Variants in CAMTA1 observed in about 807,000 individuals in gnomAD.
The protein encoded by CAMTA1 is calmodulin binding transcription activator 1.
Under a neutral mutation model 170.9 loss-of-function variants are expected in CAMTA1, and 27 were observed. That is an observed-to-expected ratio of 0.16 (90% CI 0.12 to 0.22). The LOEUF is 0.22. Ranked by LOEUF, CAMTA1 falls within the 10% of genes least tolerant of loss-of-function variation. CAMTA1 has a pLI of 1.00. For missense variants in CAMTA1, 1,619 were observed against 2,217.2 expected, an observed-to-expected ratio of 0.73 and a Z score of 5.42; for synonymous variants, 833 against 891.5, an observed-to-expected ratio of 0.93 and a Z score of 1.17.
Position 7,570,418 on chromosome 1 carries a change from A to G in CAMTA1, c.511-69982A>G, listed in dbSNP as rs2095111312. On this transcript the variant is annotated intron_variant, in intron 6 of 22. Coordinates refer to ENST00000303635, the MANE Select transcript of CAMTA1 (RefSeq NM_015215.4). The surrounding 1 kb of genome is among the most constrained non-coding windows in gnomAD (Gnocchi z 4.3). ...GAGGGAGGAAGCACGGGGAGGAGGA[A>G]GCCAGGGGCAAACCCGGACCAGCCC... Among the ~76,000 whole-genome samples, 1 of 152,232 alleles carries G rather than the reference A, an allele frequency of 6.6e-6. No individual in the cohort carries two copies. Among genetic ancestry groups the G allele is most frequent in the Non-Finnish European group, 1.5e-5 (1 of 68,040 alleles).
intron 5 of CAMTA1, among the ~76,000 whole-genome samples, chr1:7,373,971 G>A (rs970698312): frequency 2.6e-5 from 4 of 152,190 alleles, no homozygotes; most frequent in Admixed American, 1.3e-4. Context: ...AGGAGCGACC[G>A]GCTGCTCTGA....
At chr1:6,944,666 C>T (rs183012143) in intron 3 of CAMTA1, among the ~76,000 whole-genome samples, 3 of 152,316 alleles carry the variant, frequency 2.0e-5, no homozygotes, top group Admixed American at 2.0e-4. Context: ...CGTCATAACC[C>T]TCCCATGCAT....
chr1:7,431,494 C>G (rs901135217), intron 5 of CAMTA1, among the ~76,000 whole-genome samples: 2 of 152,194 alleles, frequency 1.3e-5, no homozygotes, highest in African/African-American at 4.8e-5. Context: ...GGTCCCTGAT[C>G]GCTGGGAAGA....
At chr1:7,564,544 AAT>A (rs2095011105) in intron 6 of CAMTA1, among the ~76,000 whole-genome samples, 2 of 152,174 alleles carry the variant, frequency 1.3e-5, no homozygotes, top group Non-Finnish European at 2.9e-5. Context: ...AGACACAGCA[AAT>A]ATGAGTCTTG....
At chr1:6,835,456 C>T (rs1652593719) in intron 3 of CAMTA1, among the ~76,000 whole-genome samples, 1 of 152,184 alleles carries the variant, frequency 6.6e-6, no homozygotes, top group African/African-American at 2.4e-5. Flanking sequence ...TACGGAGAGG[C>T]TGGCATTCTT....
At chr1:6,801,236 G>T (rs926436590) in intron 1 of CAMTA1, among the ~76,000 whole-genome samples, 3 of 152,212 alleles carry the variant, frequency 2.0e-5, no homozygotes, top group Non-Finnish European at 2.9e-5. Flanking sequence ...ATTTCCCACT[G>T]CAGCTTGTAT....
chr1:6,807,045 C>T (rs1435408048), intron 1 of CAMTA1: 2 of 668,326 alleles, frequency 3.0e-6, no homozygotes, highest in South Asian at 1.6e-5. Flanking sequence ...GGACATTAAT[C>T]AAGATGCCAT....
chr1:6,834,196 T>G (rs1317906229), intron 3 of CAMTA1: 2 of 151,412 alleles, frequency 1.3e-5, no homozygotes, highest in African/African-American at 4.8e-5. Flanking sequence ...TTTACTTACT[T>G]TTAAGTTGTA....
intron 6 of CAMTA1, among the ~76,000 whole-genome samples, chr1:7,607,033 G>C (rs1253584469): frequency 6.6e-6 from 1 of 152,236 alleles, no homozygotes; most frequent in Non-Finnish European, 1.5e-5. Flanking sequence ...AACAACAGGT[G>C]CTCAATACAT....
intron 6 of CAMTA1, among the ~76,000 whole-genome samples, chr1:7,529,536 C>A (rs1384024024): frequency 1.3e-5 from 2 of 152,170 alleles, no homozygotes; most frequent in African/African-American, 4.8e-5. Flanking sequence ...TTAACCTGAG[C>A]TCACACCACA....
At chr1:7,386,390 G>A (rs890079451) in intron 5 of CAMTA1, among the ~76,000 whole-genome samples, 1 of 152,232 alleles carries the variant, frequency 6.6e-6, no homozygotes, top group African/African-American at 2.4e-5. Flanking sequence ...CCCTCTGGGA[G>A]GCTGTAGCCA....
intron 6 of CAMTA1, among the ~76,000 whole-genome samples, chr1:7,470,990 G>A (rs573073749): frequency 1.3e-5 from 2 of 152,334 alleles, no homozygotes; most frequent in Admixed American, 6.5e-5. Context: ...CAGCATTTGG[G>A]AGAGCCATGT....
chr1:7,264,225 A>G (rs920585733), intron 5 of CAMTA1, among the ~76,000 whole-genome samples: 3 of 152,178 alleles, frequency 2.0e-5, no homozygotes, highest in Non-Finnish European at 4.4e-5. Context: ...GGGGCCTGAG[A>G]TGCTGCATTG....
intron 5 of CAMTA1, among the ~76,000 whole-genome samples, chr1:7,400,355 A>G (rs2089795067): frequency 6.6e-6 from 1 of 151,998 alleles, no homozygotes; most frequent in Non-Finnish European, 1.5e-5. Flanking sequence ...TCTTTGTTGA[A>G]TTTCTCATTC....
At chr1:7,337,570 G>A (rs1405623929) in intron 5 of CAMTA1, among the ~76,000 whole-genome samples, 5 of 143,508 alleles carry the variant, frequency 3.5e-5, no homozygotes, top group African/African-American at 1.3e-4. Flanking sequence ...GTGGGCAGTG[G>A]GCCTCATCCA....
chr1:7,735,319 A>T (rs927408266), intron 12 of CAMTA1, among the ~76,000 whole-genome samples: 5 of 152,064 alleles, frequency 3.3e-5, no homozygotes. Flanking sequence ...AACATGGTGA[A>T]ACCCTATCTC....
intron 3 of CAMTA1, among the ~76,000 whole-genome samples, chr1:6,916,695 G>T (rs1680883057): frequency 6.6e-6 from 1 of 152,192 alleles, no homozygotes. Flanking sequence ...GAGATGAACT[G>T]GTTGTGGTCC....
intron 3 of CAMTA1, among the ~76,000 whole-genome samples, chr1:6,844,501 T>G (rs1657157304): frequency 8.9e-6 from 1 of 112,254 alleles, no homozygotes; most frequent in East Asian, 2.6e-4. Flanking sequence ...ACAAAACCAT[T>G]GCATTACAAA....
intron 3 of CAMTA1, among the ~76,000 whole-genome samples, chr1:6,854,441 C>T (rs1661528718): frequency 6.6e-6 from 1 of 152,060 alleles, no homozygotes; most frequent in African/African-American, 2.4e-5. Context: ...CATCTTTGCA[C>T]AATGATGAAA....
Sources: allele counts gnomAD v4.1 joint callset (sites outside exome capture counted in the v4.1 genomes callset), GRCh38; gene constraint gnomAD v4.1.1; non-coding constraint Gnocchi (gnomAD v3.1); transcripts MANE v1.5; gene names NCBI Gene and HGNC (gene_info 2026-07-23, HGNC 2026-07-21).